Variants in MBNL1 observed in about 807,000 individuals in gnomAD.
The protein encoded by MBNL1 is muscleblind-like protein 1.
A neutral mutation model predicts 42.2 loss-of-function variants in MBNL1; 8 were observed. The observed-to-expected ratio is 0.19, with a 90% CI of 0.11 to 0.34. The LOEUF (loss-of-function observed/expected upper bound fraction) is 0.34. Among genes scored for constraint, MBNL1 ranks in the 10% least tolerant of loss-of-function variants. The pLI is 1.00. For missense variants in MBNL1, 309 were observed against 495.3 expected (o/e 0.62, Z 3.57); for synonymous variants, 169 against 173.9 (o/e 0.97, Z 0.22).
At chr3:152,455,679 C>A in intron 7 of MBNL1, 102 bp downstream of exon 7, 1 of 1,023,094 alleles carries the variant, frequency 9.8e-7, no homozygotes, top group South Asian at 1.3e-5. Flanking sequence ...TGGGCAAGTC[C>A]ATTTCCCTTT....
At chr3:152,395,862 G>A (rs1056550808) in intron 2 of MBNL1, among the ~76,000 whole-genome samples, 12 of 152,156 alleles carry the variant, frequency 7.9e-5, no homozygotes, top group African/African-American at 2.7e-4. Flanking sequence ...TACCTATCAG[G>A]CCCTCCTGGC....
chr3:152,337,349 G>C (rs910281267), intron 2 of MBNL1, among the ~76,000 whole-genome samples: 2 of 152,198 alleles, frequency 1.3e-5, no homozygotes, highest in African/African-American at 4.8e-5. Flanking sequence ...GCCAAGCACG[G>C]TGGCTCACGC....
intron 2 of MBNL1, among the ~76,000 whole-genome samples, chr3:152,304,523 T>TTAAC (rs1458640295): frequency 9.2e-5 from 14 of 152,238 alleles, no homozygotes; most frequent in African/African-American, 2.4e-4. Context: ...GGTTTGATTT[T>TTAAC]TAACCACTGG....
chr3:152,291,799 C>T (rs137915139), intron 1 of MBNL1, among the ~76,000 whole-genome samples: 88 of 152,102 alleles, frequency 5.8e-4, no homozygotes, highest in African/African-American at 2.0e-3. Flanking sequence ...GTTTTTTAGA[C>T]GAGGTCTCAC....
At chr3:152,335,225 A>G in intron 2 of MBNL1, 1 of 1,289,778 alleles carries the variant, frequency 7.8e-7, no homozygotes, top group Non-Finnish European at 1.0e-6. Flanking sequence ...TGGCTAATGG[A>G]TGCTGGTGAG....
At chr3:152,374,549 G>A (rs1334786110) in intron 2 of MBNL1, among the ~76,000 whole-genome samples, 2 of 152,072 alleles carry the variant, frequency 1.3e-5, no homozygotes, top group East Asian at 1.9e-4. Context: ...CTTATATGCC[G>A]TGACCATTCA....
intron 3 of MBNL1, among the ~76,000 whole-genome samples, chr3:152,431,530 ACTT>A (rs1222364275): frequency 1.3e-5 from 2 of 152,230 alleles, no homozygotes; most frequent in African/African-American, 4.8e-5. Flanking sequence ...ATATCATGTA[ACTT>A]CTTATTCCTG....
intron 2 of MBNL1, among the ~76,000 whole-genome samples, chr3:152,403,769 C>T (rs1215289331): frequency 2.0e-5 from 3 of 151,918 alleles, no homozygotes; most frequent in Admixed American, 2.0e-4. Context: ...GCAGTCCATC[C>T]AATAGAAACA....
chr3:152,331,735 T>C (rs1001259155), intron 2 of MBNL1, among the ~76,000 whole-genome samples: 1 of 152,158 alleles, frequency 6.6e-6, no homozygotes, highest in Non-Finnish European at 1.5e-5. Context: ...TTTTGCTCTG[T>C]TGCCCAGACT....
chr3:152,445,299 A>G lies in MBNL1; in HGVS notation c.567A>G (p.Gln189=), dbSNP rs1370768832. Residue 189 remains glutamine (Q), a synonymous_variant, in exon 5 of 10, where the codon CAA becomes CAG. Transcript: ENST00000324210. ...CCTCATAGGTATGTCGAGAGTACCAACGTGGCAATTGCAACCGAGGAGAAA... is the reference window on the plus strand; with the variant it reads ...CCTCATAGGTATGTCGAGAGTACCAGCGTGGCAATTGCAACCGAGGAGAAA... ...TDRLEVCREY[Q]RGNCNRGEND... 1.1e-5 allele frequency: 18 copies of G among 1,613,900 alleles called. No homozygotes were observed. Among genetic ancestry groups the G allele is most frequent in the African/African-American group, 4.0e-5 (3 of 74,924 alleles).
intron 1 of MBNL1, among the ~76,000 whole-genome samples, chr3:152,288,007 A>C (rs2053585103): frequency 6.6e-6 from 1 of 152,198 alleles, no homozygotes; most frequent in African/African-American, 2.4e-5. Flanking sequence ...TGAAAGTACA[A>C]ATTTGTAATA....
chr3:152,389,997 T>TC (rs1445363962), intron 2 of MBNL1, among the ~76,000 whole-genome samples: 1 of 152,094 alleles, frequency 6.6e-6, no homozygotes, highest in Non-Finnish European at 1.5e-5. Context: ...TGCCTCAGCC[T>TC]CCCAAGTAGC....
At chr3:152,421,336 C>T (rs150111679) in intron 3 of MBNL1, among the ~76,000 whole-genome samples, 578 of 152,286 alleles carry the variant, frequency 3.8e-3, no homozygotes, top group African/African-American at 0.013. Flanking sequence ...CCTGGAAAGG[C>T]GGCTGAAGCC....
chr3:152,431,461 A>G (rs2153747738), intron 3 of MBNL1, among the ~76,000 whole-genome samples: 1 of 152,370 alleles, frequency 6.6e-6, no homozygotes, highest in South Asian at 2.1e-4. Flanking sequence ...TTTGTAATAT[A>G]TACCTTATAT....
chr3:152,275,553 C>CA (rs2044511622), intron 1 of MBNL1, among the ~76,000 whole-genome samples: 1 of 151,488 alleles, frequency 6.6e-6, no homozygotes, highest in Non-Finnish European at 1.5e-5. Context: ...TACTAAAATA[C>CA]AAAAAATTAG....
chr3:152,276,819 C>T (rs1397701759), intron 1 of MBNL1, among the ~76,000 whole-genome samples: 3 of 152,172 alleles, frequency 2.0e-5, no homozygotes, highest in Middle Eastern at 3.4e-3. Flanking sequence ...GTTTTGGTGA[C>T]ATTTTATAGG....
Position 152,456,359 on chromosome 3 carries a change from C to G in MBNL1, c.1090C>G (p.Gln364Glu). Reference sequence around the variant, plus strand: ...CTTCGCTGCAACAGCCACAGCCAACCAGGTTTGCTAATTTACAGCTTTGTT... The same window carrying G: ...CTTCGCTGCAACAGCCACAGCCAACGAGGTTTGCTAATTTACAGCTTTGTT... ...VPFAATATAN[Q>E]IPIISAEHLT... The change falls in exon 8 of 10, where the codon CAG becomes GAG. Residue 364 changes from glutamine (Q) to glutamate (E), a missense_variant and splice_region_variant. Gln to Glu is a conservative substitution (Grantham distance 29). Coordinates refer to ENST00000324210, the MANE Select transcript of MBNL1 (RefSeq NM_021038.5). The G allele has an allele frequency of 6.2e-7, 1 of 1,613,622 alleles. No individual in the cohort carries two copies. The highest frequency in any genetic ancestry group is 8.5e-7 in the Non-Finnish European group (1 of 1,179,556).
intron 2 of MBNL1, among the ~76,000 whole-genome samples, chr3:152,365,418 G>A (rs1052256131): frequency 6.6e-6 from 1 of 152,024 alleles, no homozygotes; most frequent in African/African-American, 2.4e-5. Context: ...TATTAAAATT[G>A]TCATTATTTC....
At chr3:152,270,092 T>G (rs1209022551) in intron 1 of MBNL1, among the ~76,000 whole-genome samples, 1 of 152,080 alleles carries the variant, frequency 6.6e-6, no homozygotes, top group Non-Finnish European at 1.5e-5. Context: ...TATTGTATTC[T>G]TAAGGCTCTC....
Sources: gnomAD v4.1 joint callset for allele counts (sites outside exome capture counted in the v4.1 genomes callset) on GRCh38, gnomAD v4.1.1 for gene constraint, MANE v1.5 for transcripts, NCBI Gene and HGNC (gene_info 2026-07-23, HGNC 2026-07-21) for gene names.